LRP12: variants seen among roughly 807,000 people sequenced by gnomAD.
LRP12 encodes the protein low-density lipoprotein receptor-related protein 12.
LRP12 carries 14 observed loss-of-function variants against 66.0 expected under a neutral mutation model. That is an observed-to-expected ratio of 0.21 (90% CI 0.14 to 0.33). LRP12 has a LOEUF of 0.33. Ranked by LOEUF, LRP12 falls within the 10% of genes least tolerant of loss-of-function variation. The pLI is 1.00. For synonymous variants in LRP12, 357 were observed against 359.1 expected, an observed-to-expected ratio of 0.99 and a Z score of 0.07; for missense variants, 889 against 1,053.4, an observed-to-expected ratio of 0.84 and a Z score of 2.16.
At chr8:104,536,470 G>A (rs1428340154) in intron 1 of LRP12, among the ~76,000 whole-genome samples, 2 of 151,716 alleles carry the variant, frequency 1.3e-5, no homozygotes, top group Non-Finnish European at 2.9e-5. Flanking sequence ...GACACAGCAG[G>A]GTTTTGTTTT....
At chr8:104,521,128 A>AT (rs1018152048) in intron 2 of LRP12, among the ~76,000 whole-genome samples, 7 of 151,128 alleles carry the variant, frequency 4.6e-5, no homozygotes, top group African/African-American at 9.7e-5. Flanking sequence ...AAGTATTTTG[A>AT]TTTTTTTTTC....
chr8:104,503,328 C>CAAAAAA (rs59353283), intron 3 of LRP12, among the ~76,000 whole-genome samples: 6 of 30,090 alleles, frequency 2.0e-4, no homozygotes, highest in Non-Finnish European at 3.5e-4. Context: ...CTGTGTCTCT[C>CAAAAAA]AAAAAAAAAA....
rs1269109092 is a variant in LRP12, at chr8:104,489,632, A to T, written c.*1041T>A. 6.6e-6 allele frequency: 1 copy of T among 152,184 alleles called. No homozygotes were observed. Among genetic ancestry groups the T allele is most frequent in the African/African-American group, 2.4e-5 (1 of 41,462 alleles). The allele number at this position is 152,184 out of a possible 1,614,324, so 9.4% of individuals were successfully genotyped here. The stretch of plus-strand genomic sequence containing the variant: ...TCACTCTTACAACAATGTATTTTTT[A>T]AATACAACAAATAAATATGAAACCA... On this transcript the variant is annotated 3_prime_UTR_variant, in exon 7 of 7. Transcript: ENST00000276654.
At chr8:104,586,918 G>A (rs1481231167) in intron 1 of LRP12, among the ~76,000 whole-genome samples, 1 of 151,970 alleles carries the variant, frequency 6.6e-6, no homozygotes, top group Admixed American at 6.6e-5. Flanking sequence ...ATAATCTGCG[G>A]CCCACACTGT....
intron 1 of LRP12, among the ~76,000 whole-genome samples, chr8:104,537,056 A>C (rs974349858): frequency 6.6e-6 from 1 of 151,304 alleles, no homozygotes; most frequent in South Asian, 2.1e-4. Context: ...TTAAGAAAAC[A>C]GAAAAATATG....
intron 3 of LRP12, chr8:104,506,236 C>G (rs1403069753): frequency 6.6e-6 from 1 of 151,708 alleles, no homozygotes; most frequent in Non-Finnish European, 1.5e-5. Context: ...ACACATTATT[C>G]TGGGAAAGAA....
At chr8:104,549,479 C>T (rs1349872985) in intron 1 of LRP12, among the ~76,000 whole-genome samples, 7 of 150,182 alleles carry the variant, frequency 4.7e-5, no homozygotes, top group East Asian at 2.0e-4. Flanking sequence ...CTCGGCTCAC[C>T]GCAAGCTCTG....
intron 2 of LRP12, among the ~76,000 whole-genome samples, chr8:104,530,625 A>T (rs1481473370): frequency 6.6e-6 from 1 of 152,224 alleles, no homozygotes; most frequent in Non-Finnish European, 1.5e-5. Flanking sequence ...CAGCACACGT[A>T]GACTAAAACA....
At chr8:104,559,505 G>A (rs897196475) in intron 1 of LRP12, among the ~76,000 whole-genome samples, 3 of 152,032 alleles carry the variant, frequency 2.0e-5, no homozygotes, top group Admixed American at 2.0e-4. Flanking sequence ...TGGGTAATTT[G>A]GCATAGCATA....
intron 3 of LRP12, chr8:104,505,399 C>CTTTTTTTTTTTT (rs57277820): frequency 9.7e-6 from 1 of 103,346 alleles, no homozygotes; most frequent in Non-Finnish European, 1.9e-5. Context: ...TCCTTCTTTC[C>CTTTTTTTTTTTT]TTTTTTTTTT....
intron 2 of LRP12, among the ~76,000 whole-genome samples, chr8:104,520,808 G>A (rs1278386973): frequency 6.6e-6 from 1 of 151,980 alleles, no homozygotes; most frequent in South Asian, 2.1e-4. Context: ...TTCATGCCTT[G>A]GCAAAAATTA....
At chr8:104,549,165 C>G (rs1243544549) in intron 1 of LRP12, among the ~76,000 whole-genome samples, 5 of 152,090 alleles carry the variant, frequency 3.3e-5, no homozygotes, top group African/African-American at 1.2e-4. Context: ...AGCAAAACCA[C>G]TACTTTCTTG....
At chr8:104,535,433 T>C (rs1026256846) in intron 1 of LRP12, among the ~76,000 whole-genome samples, 1 of 152,008 alleles carries the variant, frequency 6.6e-6, no homozygotes, top group African/African-American at 2.4e-5. Flanking sequence ...ATAATGGGGA[T>C]GTTATCATAA....
chr8:104,579,796 C>A (rs1401039393), intron 1 of LRP12, among the ~76,000 whole-genome samples: 1 of 152,126 alleles, frequency 6.6e-6, no homozygotes, highest in Non-Finnish European at 1.5e-5. Context: ...ACTAACTGAT[C>A]TTCAACAAAC....
intron 2 of LRP12, among the ~76,000 whole-genome samples, chr8:104,517,093 A>C (rs1463287043): frequency 6.6e-6 from 1 of 151,628 alleles, no homozygotes; most frequent in Non-Finnish European, 1.5e-5. Flanking sequence ...GCACAAAAGA[A>C]ATAGAGAACT....
chr8:104,587,176 C>T (rs1812346727), intron 1 of LRP12, among the ~76,000 whole-genome samples: 1 of 152,134 alleles, frequency 6.6e-6, no homozygotes, highest in African/African-American at 2.4e-5. Context: ...CTATTCTGAT[C>T]GGACATCACA....
intron 5 of LRP12, 181 bp from the exon 6 acceptor site, chr8:104,495,390 C>A (rs538108247): frequency 3.6e-6 from 2 of 551,406 alleles, no homozygotes; most frequent in Admixed American, 3.3e-5. Context: ...ACAAAGCTGA[C>A]GCAGGCAGTC....
In LRP12 at chr8:104,547,536, T is replaced by G. The variant is rs568728413; in HGVS notation, c.80-15573A>C. ...TATAATATATAATTGTTATATTTTG[T>G]ATATAATATATAATTACATATTATA... On this transcript the variant is annotated intron_variant, in intron 1 of 6. Coordinates refer to ENST00000276654, the MANE Select transcript of LRP12 (RefSeq NM_013437.5). Among the ~76,000 whole-genome samples, 3 of 126,090 alleles carry G rather than the reference T, an allele frequency of 2.4e-5. No homozygotes were observed. In the East Asian group the frequency reaches 6.6e-4, roughly 28 times the overall value. The allele number at this position is 126,090 out of a possible 152,430, so 82.7% of individuals were successfully genotyped here. A position where few individuals can be genotyped will look rare whatever the true frequency, so the allele number is the denominator to read the frequency against.
intron 1 of LRP12, among the ~76,000 whole-genome samples, chr8:104,586,444 T>C (rs1812334552): frequency 6.6e-6 from 1 of 152,210 alleles, no homozygotes; most frequent in East Asian, 1.9e-4. Flanking sequence ...TTAACAGTGA[T>C]TGTGAATATT....
Sources: allele counts gnomAD v4.1 joint callset (sites outside exome capture counted in the v4.1 genomes callset), GRCh38; gene constraint gnomAD v4.1.1; transcripts MANE v1.5; gene names NCBI Gene and HGNC (gene_info 2026-07-23, HGNC 2026-07-21).